The following SUN2 variants were observed in gnomAD, a reference collection of about 807,000 sequenced individuals.
The protein encoded by SUN2 is Sad1 and UNC84 domain containing 2, also known as SUN domain-containing protein 2.
SUN2 carries 60 observed loss-of-function variants against 100.0 expected under a neutral mutation model. That is an observed-to-expected ratio of 0.60 (90% CI 0.49 to 0.74). The LOEUF (loss-of-function observed/expected upper bound fraction) is 0.74. Ranked by LOEUF, SUN2 falls within the 30% of genes least tolerant of loss-of-function variation. The probability of loss-of-function intolerance (pLI) is 0.00; values close to 1 mark genes in which losing one functional copy is unlikely to be tolerated. For missense variants in SUN2, 834 were observed against 954.6 expected, an observed-to-expected ratio of 0.87 and a Z score of 1.66; for synonymous variants, 367 against 403.3, an observed-to-expected ratio of 0.91 and a Z score of 1.08.
rs752955980 is a variant in SUN2 at position 38,738,679 on chromosome 22, T to C, written c.1855A>G (p.Ile619Val). 1.2e-6 allele frequency: 2 copies of C among 1,613,832 alleles called. No individual in the cohort carries two copies. Among genetic ancestry groups the C allele is most frequent in the South Asian group, 1.1e-5 (1 of 91,090 alleles). The change falls in exon 16 of 18, where the codon ATC becomes GTC. Residue 619 changes from isoleucine to valine, a missense_variant. Ile to Val is a conservative substitution (Grantham distance 29). This residue lies in a region of SUN2 where 195 missense variants were observed against 280.2 expected (regional missense o/e 0.70). Coordinates refer to ENST00000689035, the MANE Select transcript of SUN2 (RefSeq NM_015374.3). This position sits in a 1 kb window ranked among gnomAD's most constrained non-coding sequence, Gnocchi z 6.6. ...TCTAAGGTAACGGCTGTGGGGCGGA[T>C]GCGGGCAGAGAGGCGGACCACGGCG... ...GFAVVRLSAR[I>V]RPTAVTLEHV...
intron 1 of SUN2, 61 bp from the exon 2 acceptor site, chr22:38,752,726 A>G: frequency 6.6e-7 from 1 of 1,525,246 alleles, no homozygotes; most frequent in Non-Finnish European, 8.8e-7. Context: ...GCTCCTCTCT[A>G]GAGGAGGTGG....
Position 38,750,316 on chromosome 22 carries a change from G to A in SUN2, c.429C>T (p.Tyr143=), listed in dbSNP as rs775288965. The change falls in exon 5 of 18, where the codon TAC becomes TAT. Residue 143 remains tyrosine (Y), a synonymous_variant. Transcript: ENST00000689035. The part of the protein sequence containing the change: ...GYSSEDDYVG[Y]SDVDQQSSSS... ...TGGAACTCTGCTGGTCCACATCCGA[G>A]TAGCCTGCGGGGAACGAGGACACTG... is the stretch of plus-strand genomic sequence containing the variant. 1 of 1,613,940 alleles carries A rather than the reference G, an allele frequency of 6.2e-7. No homozygotes were observed. The highest frequency in any genetic ancestry group is 1.1e-5 in the South Asian group (1 of 91,084).
At position 38,738,863 on chromosome 22, in the gene SUN2, A is replaced by G; in HGVS notation, c.1779+10T>C. On this transcript the variant is annotated intron_variant, in intron 15 of 17. Coordinates refer to ENST00000689035, the MANE Select transcript of SUN2 (RefSeq NM_015374.3). This position sits in a 1 kb window ranked among gnomAD's most constrained non-coding sequence, Gnocchi z 6.6. ...CAGAGCCCCCGCTGCTGTGCTTGCC[A>G]GGTGCCCACCTGGAGGATGACTCGG... is the stretch of plus-strand genomic sequence containing the variant. 3.8e-6 allele frequency: 6 copies of G among 1,599,508 alleles called. No homozygotes were observed. The highest frequency in any genetic ancestry group is 5.1e-6 in the Non-Finnish European group (6 of 1,170,322).
At chr22:38,743,942 T>A (rs1368396403) in intron 8 of SUN2, 1 of 151,988 alleles carries the variant, frequency 6.6e-6, no homozygotes, top group Admixed American at 6.6e-5. Context: ...CAAAAATAGA[T>A]GGTTAAACAT....
rs2092813895 is a variant in SUN2, at chr22:38,737,274, C to T, written c.2041-894G>A. On this transcript the variant is annotated intron_variant, in intron 17 of 17. Transcript: ENST00000689035. This position sits in a 1 kb window ranked among gnomAD's most constrained non-coding sequence, Gnocchi z 4.1. ...TGGACTGTTCCATAGGTGCCTCAGACTCAGCCAGACCTGCCCCCTGCTCCA... is the reference window on the plus strand; with the variant it reads ...TGGACTGTTCCATAGGTGCCTCAGATTCAGCCAGACCTGCCCCCTGCTCCA... 6.6e-6 allele frequency among the ~76,000 whole-genome samples: 1 copy of T among 152,128 alleles called. No individual in the cohort carries two copies. Among genetic ancestry groups the T allele is most frequent in the African/African-American group, 2.4e-5 (1 of 41,416 alleles).
rs547598546 is a variant in SUN2 at position 38,755,224 on chromosome 22, C to T, written c.-38+539G>A. The T allele has an allele frequency of 1.2e-3, 1,421 of 1,183,048 alleles. 2 individuals carry two copies. Among genetic ancestry groups the T allele is most frequent in the Non-Finnish European group, 1.5e-3 (1,378 of 939,714 alleles). The allele number at this position is 1,183,048 out of a possible 1,614,324, so 73.3% of individuals were successfully genotyped here. A position where few individuals can be genotyped will look rare whatever the true frequency, so the allele number is the denominator to read the frequency against. On this transcript the variant is annotated intron_variant, in intron 1 of 17. Transcript: ENST00000689035. The surrounding 1 kb of genome is among the most constrained non-coding windows in gnomAD (Gnocchi z 5.7). ...GGCCACACGCCCTTGTGGGACCTGCCAAACGCCCGGTGCTAACTCCCTCTG... is the reference window on the plus strand; with the variant it reads ...GGCCACACGCCCTTGTGGGACCTGCTAAACGCCCGGTGCTAACTCCCTCTG...
rs962711383 is a variant in SUN2 at position 38,751,326 on chromosome 22, G to C, written c.170C>G (p.Pro57Arg). 11 of 1,613,976 alleles carry C rather than the reference G, an allele frequency of 6.8e-6. No homozygotes were observed. Among genetic ancestry groups the C allele is most frequent in the South Asian group, 1.1e-5 (1 of 91,096 alleles). The change falls in exon 3 of 18, where the codon CCA becomes CGA. Residue 57 changes from proline to arginine, a missense_variant. Around this residue, in one of 3 missense-constraint regions of SUN2, gnomAD observed 559 missense variants for 597.7 expected, o/e 0.94. Coordinates refer to ENST00000689035, the MANE Select transcript of SUN2 (RefSeq NM_015374.3). ...SSNMKRLSPA[P>R]QLGPSSDAHT... Reference sequence around the variant, plus strand: ...TGCATCAGAGGACGGGCCCAGCTGTGGCGCTGGGGACAGGCGCTTCATGTT... The same window carrying C: ...TGCATCAGAGGACGGGCCCAGCTGTCGCGCTGGGGACAGGCGCTTCATGTT...
chr22:38,748,910 C>A, intron 6 of SUN2, 127 bp from the exon 7 acceptor site: 1 of 937,040 alleles, frequency 1.1e-6, no homozygotes, highest in South Asian at 1.4e-5. Flanking sequence ...AGGAGGATAG[C>A]TTGAGCTTCT....
At chr22:38,754,530 G>T (rs1378740678) in intron 1 of SUN2, 7 of 950,938 alleles carry the variant, frequency 7.4e-6, no homozygotes, top group Non-Finnish European at 1.0e-5. Flanking sequence ...TTGGAAAAGG[G>T]ACCGATTGGT....
chr22:38,740,270 G>C lies in SUN2; in HGVS notation c.1353C>G (p.Asp451Glu). 1 of 1,585,376 alleles carries C rather than the reference G, an allele frequency of 6.3e-7. No homozygotes were observed. The highest frequency in any genetic ancestry group is 1.1e-5 in the South Asian group (1 of 87,312). ...LLPQQIQAVRDDVESQFPAWI... is the reference protein window; with the variant it reads ...LLPQQIQAVREDVESQFPAWI... Reference sequence around the variant, plus strand: ...GGCCCTGGTGGTTCCCACTCACGTCGTCCCGCACGGCCTGGATCTGCTGGG... The same window carrying C: ...GGCCCTGGTGGTTCCCACTCACGTCCTCCCGCACGGCCTGGATCTGCTGGG... Residue 451 changes from aspartate (D) to glutamate (E), a missense_variant, in exon 12 of 18, where the codon GAC becomes GAG. By Grantham distance (45) the Asp-to-Glu change is conservative. Transcript: ENST00000689035. This position sits in a 1 kb window ranked among gnomAD's most constrained non-coding sequence, Gnocchi z 4.8.
At chr22:38,742,775 G>A in intron 8 of SUN2, 1 of 582,514 alleles carries the variant, frequency 1.7e-6, no homozygotes, top group East Asian at 3.0e-5. Context: ...GGCCACAGAG[G>A]AAGGTCCCTG....
chr22:38,751,127 C>T (rs549981932), intron 3 of SUN2, 83 bp downstream of exon 3: 69 of 1,609,000 alleles, frequency 4.3e-5, no homozygotes, highest in East Asian at 2.7e-4. Context: ...GAGGGAATCC[C>T]GGGGACTGCA....
intron 7 of SUN2, among the ~76,000 whole-genome samples, chr22:38,747,058 G>C (rs372552163): frequency 1.3e-5 from 2 of 152,056 alleles, no homozygotes; most frequent in Non-Finnish European, 2.9e-5. Flanking sequence ...CTGACTGGGC[G>C]TGGTGGCTCA....
intron 4 of SUN2, 130 bp from the exon 5 acceptor site, chr22:38,750,450 T>C: frequency 6.6e-7 from 1 of 1,504,290 alleles, no homozygotes; most frequent in Non-Finnish European, 9.0e-7. Context: ...AGGCCCGGTG[T>C]GCAGTAAGGA....
At position 38,737,195 on chromosome 22, in the gene SUN2, C is replaced by G. The variant is rs142798731; in HGVS notation, c.2041-815G>C. ...CCCAACCTCTCTTGCAGCCTAGTTA[C>G]CTCCTCAGAGCTGATGACAACTCAG... On this transcript the variant is annotated intron_variant, in intron 17 of 17. Coordinates refer to ENST00000689035, the MANE Select transcript of SUN2 (RefSeq NM_015374.3). The surrounding 1 kb of genome is among the most constrained non-coding windows in gnomAD (Gnocchi z 4.1). Among the ~76,000 whole-genome samples the G allele has an allele frequency of 6.6e-6, 1 of 152,136 alleles. No homozygotes were observed. The highest frequency in any genetic ancestry group is 1.5e-5 in the Non-Finnish European group (1 of 68,016).
intron 1 of SUN2, chr22:38,754,757 C>T: frequency 7.8e-7 from 1 of 1,286,590 alleles, no homozygotes; most frequent in Non-Finnish European, 1.0e-6. Flanking sequence ...ACCCAAGCTG[C>T]CGCTGGGAAG....
Position 38,742,693 on chromosome 22 carries a change from G to T in SUN2, c.814-138C>A, listed in dbSNP as rs1310557885. On this transcript the variant is annotated intron_variant, in intron 8 of 17. Transcript: ENST00000689035. Reference sequence around the variant, plus strand: ...TTCCAGCATAAGGCCATGCAGGGCCGGCTGGAGCTCGTGGGCAGGGGCTGC... The same window carrying T: ...TTCCAGCATAAGGCCATGCAGGGCCTGCTGGAGCTCGTGGGCAGGGGCTGC... 4.2e-6 allele frequency: 5 copies of T among 1,182,750 alleles called. No individual in the cohort carries two copies. In the Admixed American group the frequency reaches 1.5e-4, roughly 35 times the overall value. The allele number at this position is 1,182,750 out of a possible 1,614,324, so 73.3% of individuals were successfully genotyped here.
intron 1 of SUN2, chr22:38,754,825 TC>T (rs1197651594): frequency 3.1e-5 from 40 of 1,285,190 alleles, no homozygotes; most frequent in Non-Finnish European, 3.8e-5. Context: ...AGCACCCGCC[TC>T]CGCCCTCCCA....
rs8138649 is a variant in SUN2, at chr22:38,739,014, G to A, written c.1664-26C>T. The A allele has an allele frequency of 1.9e-3, 3,034 of 1,589,820 alleles. 65 individuals carry two copies. In the African/African-American group the frequency reaches 0.036, roughly 19 times the overall value. ...CTGAGACAGGAGAGGAAGGCAGGGT[G>A]GGCTCCCGCACGGGAGGAGGGCCCC... On this transcript the variant is annotated intron_variant, in intron 14 of 17. Transcript: ENST00000689035. This position sits in a 1 kb window ranked among gnomAD's most constrained non-coding sequence, Gnocchi z 6.7.
Sources: gnomAD v4.1 joint callset for allele counts (sites outside exome capture counted in the v4.1 genomes callset) on GRCh38, gnomAD v4.1.1 for gene constraint, gnomAD v4.1.1 regional missense constraint, Gnocchi (gnomAD v3.1) non-coding constraint, MANE v1.5 for transcripts, NCBI Gene and HGNC (gene_info 2026-07-23, HGNC 2026-07-21) for gene names.